Variants in PITPNM2 observed in about 807,000 individuals in gnomAD.
PITPNM2 encodes the protein membrane-associated phosphatidylinositol transfer protein 2.
A neutral mutation model predicts 132.2 loss-of-function variants in PITPNM2; 35 were observed. The ratio of observed to expected loss-of-function variants is 0.26; its 90% CI spans 0.20 to 0.35. The LOEUF is 0.35. Among genes scored for constraint, PITPNM2 ranks in the 10% least tolerant of loss-of-function variants. PITPNM2 has a pLI of 1.00. For missense variants in PITPNM2, 1,332 were observed against 1,912.0 expected, an observed-to-expected ratio of 0.70 and a Z score of 5.66; for synonymous variants, 738 against 799.2, an observed-to-expected ratio of 0.92 and a Z score of 1.29.
At chr12:123,040,732 A>C (rs554471847) in intron 2 of PITPNM2, among the ~76,000 whole-genome samples, 2 of 152,300 alleles carry the variant, frequency 1.3e-5, no homozygotes, top group South Asian at 4.1e-4. Flanking sequence ...TTTTTAAAAA[A>C]AGATCATGTA....
chr12:123,038,564 C>T (rs538888154), intron 2 of PITPNM2, among the ~76,000 whole-genome samples: 5 of 152,348 alleles, frequency 3.3e-5, no homozygotes, highest in East Asian at 3.9e-4. Context: ...TCATGGAAGG[C>T]GGAGCCAGGC....
In PITPNM2 at chr12:123,136,449, C is replaced by T. The variant is rs148763163; in HGVS notation, c.-200+14304G>A. Among the ~76,000 whole-genome samples, 19 of 152,304 alleles carry T rather than the reference C, an allele frequency of 1.2e-4. No homozygotes were observed. In the East Asian group the frequency reaches 3.3e-3, roughly 26 times the overall value. ...CCTGTGGCCTTCAATAAATCAACCCCTCGGCCTCAGCTTATCTTCCATGTA... is the reference window on the plus strand; with the variant it reads ...CCTGTGGCCTTCAATAAATCAACCCTTCGGCCTCAGCTTATCTTCCATGTA... On this transcript the variant is annotated intron_variant, in intron 1 of 25. Transcript: ENST00000320201.
At chr12:123,062,937 C>A (rs1241940074) in intron 2 of PITPNM2, among the ~76,000 whole-genome samples, 5 of 152,232 alleles carry the variant, frequency 3.3e-5, no homozygotes, top group African/African-American at 4.8e-5. Flanking sequence ...CTAAAACTCA[C>A]CAGGCCCTGT....
In PITPNM2 at chr12:123,004,550, G is replaced by C; in HGVS notation, c.953-61C>G. On this transcript the variant is annotated intron_variant, in intron 7 of 25. Transcript: ENST00000320201. This position sits in a 1 kb window ranked among gnomAD's most constrained non-coding sequence, Gnocchi z 4.9. ...AGAGGAAGGGCCCAGAGGCTGCCCT[G>C]AGCCGGCAGGAGGCAGGGAGGGCCA... The C allele has an allele frequency of 1.3e-6, 2 of 1,546,404 alleles. No homozygotes were observed. The highest frequency in any genetic ancestry group is 1.7e-4 in the Middle Eastern group (1 of 5,954).
At chr12:123,142,442 C>A (rs1266517420) in intron 1 of PITPNM2, among the ~76,000 whole-genome samples, 2 of 152,152 alleles carry the variant, frequency 1.3e-5, no homozygotes, top group Non-Finnish European at 2.9e-5. Context: ...CAACTGATGG[C>A]GAAATAGGTG....
In PITPNM2 at chr12:123,058,652, G is replaced by T. The variant is rs1044691641; in HGVS notation, c.-95-23967C>A. On this transcript the variant is annotated intron_variant, in intron 2 of 25. Transcript: ENST00000320201. The surrounding 1 kb of genome is among the most constrained non-coding windows in gnomAD (Gnocchi z 4.0). ...GAGCAGCACCTGCCTCTTACACCTC[G>T]GCCCCAAGCACTGCAGAAGCTGGTA... Among the ~76,000 whole-genome samples, 2 of 152,006 alleles carry T rather than the reference G, an allele frequency of 1.3e-5. No homozygotes were observed. Among genetic ancestry groups the T allele is most frequent in the Admixed American group, 6.6e-5 (1 of 15,254 alleles).
chr12:122,994,726 C>T lies in PITPNM2; in HGVS notation c.2233+75G>A. On this transcript the variant is annotated intron_variant, in intron 15 of 25. Coordinates refer to ENST00000320201, the MANE Select transcript of PITPNM2 (RefSeq NM_020845.3). The surrounding 1 kb of genome is among the most constrained non-coding windows in gnomAD (Gnocchi z 5.4). ...GCCTGGGACGTGGCCATGATCTCAT[C>T]ACAGGGGTCCACTGAGACCCCCGCC... The T allele has an allele frequency of 6.8e-7, 1 of 1,469,886 alleles. No homozygotes were observed. The highest frequency in any genetic ancestry group is 9.1e-7 in the Non-Finnish European group (1 of 1,098,868). 91.1% of individuals were successfully genotyped at this position (1,469,886 alleles called of 1,614,324 possible). A position where few individuals can be genotyped will look rare whatever the true frequency, so the allele number is the denominator to read the frequency against.
chr12:123,063,779 T>C (rs2041324944), intron 2 of PITPNM2, among the ~76,000 whole-genome samples: 1 of 152,186 alleles, frequency 6.6e-6, no homozygotes, highest in Non-Finnish European at 1.5e-5. Flanking sequence ...AGAATGGTGC[T>C]CTGATCACAC....
rs1356717912 is a variant in PITPNM2, at chr12:123,023,848, G to A, written c.79-9806C>T. ...ACTAAAAAGAAAGTGAAAAAACAAC[G>A]TACAAAATGGGAGAGAATTTTTATA... On this transcript the variant is annotated intron_variant, in intron 3 of 25. Coordinates refer to ENST00000320201, the MANE Select transcript of PITPNM2 (RefSeq NM_020845.3). This position sits in a 1 kb window ranked among gnomAD's most constrained non-coding sequence, Gnocchi z 4.8. 6.6e-6 allele frequency among the ~76,000 whole-genome samples: 1 copy of A among 152,058 alleles called. No homozygotes were observed. Among genetic ancestry groups the A allele is most frequent in the Non-Finnish European group, 1.5e-5 (1 of 68,004 alleles).
intron 2 of PITPNM2, among the ~76,000 whole-genome samples, chr12:123,069,535 TG>T (rs1472153751): frequency 6.6e-6 from 1 of 152,130 alleles, no homozygotes; most frequent in Non-Finnish European, 1.5e-5. Flanking sequence ...TGGAATCAGA[TG>T]GCCAGAGTCC....
In PITPNM2 at chr12:123,117,296, C is replaced by T. The variant is rs6489254; in HGVS notation, c.-199-6808G>A. On this transcript the variant is annotated intron_variant, in intron 1 of 25. Coordinates refer to ENST00000320201, the MANE Select transcript of PITPNM2 (RefSeq NM_020845.3). The surrounding 1 kb of genome is among the most constrained non-coding windows in gnomAD (Gnocchi z 4.7). ...CTGGGGAATTTCTCCAGTGATCCTA[C>T]GGAGTAAGCTGGCCATCAGATGATC... is the stretch of plus-strand genomic sequence containing the variant. Among the ~76,000 whole-genome samples the T allele has an allele frequency of 4.6e-5, 7 of 152,112 alleles. No individual in the cohort carries two copies. The highest frequency in any genetic ancestry group is 1.9e-4 in the East Asian group (1 of 5,190).
At chr12:123,149,134 T>C (rs1277901303) in intron 1 of PITPNM2, among the ~76,000 whole-genome samples, 4 of 152,114 alleles carry the variant, frequency 2.6e-5, no homozygotes, top group African/African-American at 9.7e-5. Context: ...TTAGTTAAGC[T>C]CCTGTAGCAA....
chr12:123,020,720 T>G (rs920632724), intron 3 of PITPNM2, among the ~76,000 whole-genome samples: 3 of 152,002 alleles, frequency 2.0e-5, no homozygotes, highest in Non-Finnish European at 1.5e-5. Context: ...GAGGCCGGGC[T>G]GCAGTTGAAA....
intron 1 of PITPNM2, among the ~76,000 whole-genome samples, chr12:123,142,012 T>G (rs1277342489): frequency 6.6e-6 from 1 of 151,886 alleles, no homozygotes; most frequent in Non-Finnish European, 1.5e-5. Context: ...GGGGGTGTGG[T>G]GGGGAGGAAT....
rs555869897 is a variant in PITPNM2, at chr12:123,038,821, C to T, written c.-95-4136G>A. 4.9e-4 allele frequency among the ~76,000 whole-genome samples: 74 copies of T among 152,098 alleles called. 1 individual carries two copies. The highest frequency in any genetic ancestry group is 3.9e-3 in the South Asian group (19 of 4,822). On this transcript the variant is annotated intron_variant, in intron 2 of 25. Coordinates refer to ENST00000320201, the MANE Select transcript of PITPNM2 (RefSeq NM_020845.3). ...GTCATCTAAAAAATAATTACCTGGC[C>T]GGGCACGGTGGCTCACACCTATAAT...
At position 123,151,031 on chromosome 12, in the gene PITPNM2, C is replaced by T. The variant is rs1366140906; in HGVS notation, c.-478G>A. On this transcript the variant is annotated 5_prime_UTR_variant, in exon 1 of 26. Transcript: ENST00000320201. ...GAAGCGCCGGGCGGGCGGCCGGGGC[C>T]GGCTGGACAGCTCTACGCCGCGGCG... Among the ~76,000 whole-genome samples the T allele has an allele frequency of 4.8e-5, 7 of 145,830 alleles. No homozygotes were observed. The highest frequency in any genetic ancestry group is 1.4e-4 in the Admixed American group (2 of 14,680).
At chr12:123,088,645 C>T (rs939304092) in intron 2 of PITPNM2, 1 of 152,180 alleles carries the variant, frequency 6.6e-6, no homozygotes, top group African/African-American at 2.4e-5. Context: ...ATCTTCCCTG[C>T]TCCCCGCAAA....
At chr12:123,039,067 G>A (rs926142524) in intron 2 of PITPNM2, among the ~76,000 whole-genome samples, 1 of 151,316 alleles carries the variant, frequency 6.6e-6, no homozygotes, top group African/African-American at 2.4e-5. Flanking sequence ...AAGGAACAGC[G>A]TGAGCAAAGG....
At chr12:123,035,581 G>A (rs550068075) in intron 2 of PITPNM2, among the ~76,000 whole-genome samples, 14 of 152,012 alleles carry the variant, frequency 9.2e-5, no homozygotes, top group Non-Finnish European at 1.3e-4. Flanking sequence ...CAGGAGAATC[G>A]CTTGAACCCA....
Sources: gnomAD v4.1 joint callset for allele counts (sites outside exome capture counted in the v4.1 genomes callset) on GRCh38, gnomAD v4.1.1 for gene constraint, Gnocchi (gnomAD v3.1) non-coding constraint, MANE v1.5 for transcripts, NCBI Gene and HGNC (gene_info 2026-07-23, HGNC 2026-07-21) for gene names.